PRPSAP1: variants seen among roughly 807,000 people sequenced by gnomAD.
The protein encoded by PRPSAP1 is phosphoribosyl pyrophosphate synthase-associated protein 1.
Under a neutral mutation model 39.4 loss-of-function variants are expected in PRPSAP1, and 31 were observed. The observed-to-expected ratio is 0.79, with a 90% confidence interval of 0.59 to 1.06. The LOEUF (loss-of-function observed/expected upper bound fraction) is 1.06, where lower values mean the gene tolerates loss of function less well. Among genes scored for constraint, PRPSAP1 ranks in the 50% least tolerant of loss-of-function variants. The probability of loss-of-function intolerance (pLI) is 0.00; values close to 1 mark genes in which losing one functional copy is unlikely to be tolerated. For synonymous variants in PRPSAP1, 212 were observed against 192.6 expected (o/e 1.10, Z -0.83); for missense variants, 430 against 511.6 (o/e 0.84, Z 1.54).
intron 3 of PRPSAP1, 29 bp downstream of exon 3, chr17:76,344,642 A>C (rs1205192515): frequency 5.5e-6 from 8 of 1,458,746 alleles, no homozygotes; most frequent in Non-Finnish European, 3.8e-6. Context: ...GTTTTTACAG[A>C]AAAGAGATAA....
At chr17:76,337,708 C>T (rs911734111) in intron 3 of PRPSAP1, among the ~76,000 whole-genome samples, 1 of 152,184 alleles carries the variant, frequency 6.6e-6, no homozygotes, top group Non-Finnish European at 1.5e-5. Flanking sequence ...CGGGTTCAAT[C>T]GATTCTCCCA....
intron 3 of PRPSAP1, chr17:76,337,447 C>A (rs540553): frequency 2.2e-3 from 79 of 35,492 alleles, no homozygotes; most frequent in South Asian, 6.1e-3. Context: ...ACAACAACAA[C>A]AAACTAACCT....
At position 76,317,995 on chromosome 17, in the gene PRPSAP1, G is replaced by A. The variant is rs1178907325; in HGVS notation, c.782-4104C>T. Among the ~76,000 whole-genome samples the A allele has an allele frequency of 2.0e-5, 3 of 152,152 alleles. No individual in the cohort carries two copies. The South Asian group carries it at 6.2e-4, about 32-fold the overall frequency. ...GCACTACTGACATTTTGGACTGGGT[G>A]ATTATCACACTGCAGGATGCTAAGC... On this transcript the variant is annotated intron_variant, in intron 7 of 9. Transcript: ENST00000446526.
At chr17:76,351,434 G>A (rs2071570038) in intron 1 of PRPSAP1, among the ~76,000 whole-genome samples, 4 of 152,240 alleles carry the variant, frequency 2.6e-5, no homozygotes, top group South Asian at 4.1e-4. Context: ...AGAATGGCGT[G>A]AACCCTGGGG....
At chr17:76,320,010 C>T (rs1336545787) in intron 7 of PRPSAP1, among the ~76,000 whole-genome samples, 1 of 152,006 alleles carries the variant, frequency 6.6e-6, no homozygotes, top group African/African-American at 2.4e-5. Flanking sequence ...TGGCTCACAT[C>T]TGTAATCCCA....
At chr17:76,346,404 C>G (rs928130772) in intron 2 of PRPSAP1, among the ~76,000 whole-genome samples, 1 of 152,164 alleles carries the variant, frequency 6.6e-6, no homozygotes, top group Non-Finnish European at 1.5e-5. Context: ...AAGCCTTGTG[C>G]TCTGAAAAGA....
chr17:76,329,024 G>T (rs1359999446), intron 6 of PRPSAP1, 162 bp from the exon 7 acceptor site: 4 of 809,944 alleles, frequency 4.9e-6, no homozygotes, highest in Non-Finnish European at 7.3e-6. Context: ...GCATGTAAAT[G>T]ACTCAAAGGG....
At chr17:76,335,973 C>A (rs1054633623) in intron 3 of PRPSAP1, among the ~76,000 whole-genome samples, 43 of 151,704 alleles carry the variant, frequency 2.8e-4, no homozygotes, top group Middle Eastern at 6.8e-3. Context: ...CAGAGTGAGA[C>A]CCCATCTCTC....
rs2071446683 is a variant in PRPSAP1, at chr17:76,342,158, T to G, written c.290+2513A>C. 2.0e-5 allele frequency among the ~76,000 whole-genome samples: 3 copies of G among 151,926 alleles called. No homozygotes were observed. In the South Asian group the frequency reaches 6.2e-4, roughly 32 times the overall value. ...AGATACACCTGAAACACCGACAATA[T>G]GATGTATATACGATGAGGCTCACAG... On this transcript the variant is annotated intron_variant, in intron 3 of 9. Coordinates refer to ENST00000446526, the MANE Select transcript of PRPSAP1 (RefSeq NM_002766.3).
chr17:76,345,810 C>T (rs1004141688), intron 2 of PRPSAP1: 6 of 349,416 alleles, frequency 1.7e-5, no homozygotes, highest in Non-Finnish European at 5.5e-6. Context: ...GCTCCCAGTG[C>T]CTACGTCCGG....
intron 3 of PRPSAP1, among the ~76,000 whole-genome samples, chr17:76,337,822 G>A (rs924535097): frequency 6.6e-6 from 1 of 151,936 alleles, no homozygotes; most frequent in African/African-American, 2.4e-5. Context: ...GGCTAGTCTG[G>A]TCTCAAACTC....
In PRPSAP1 at chr17:76,311,495, T is replaced by C. The variant is rs2071069578; in HGVS notation, c.*47A>G. 7 of 1,581,986 alleles carry C rather than the reference T, an allele frequency of 4.4e-6. No homozygotes were observed. The highest frequency in any genetic ancestry group is 1.4e-5 in the African/African-American group (1 of 73,834). ...CACTGTATCACTCATGGCACTGCTT[T>C]TTCCATGTTTCCCTCAGGAGGTCCA... On this transcript the variant is annotated 3_prime_UTR_variant, in exon 10 of 10. Coordinates refer to ENST00000446526, the MANE Select transcript of PRPSAP1 (RefSeq NM_002766.3).
Position 76,312,868 on chromosome 17 carries a change from A to T in PRPSAP1, c.999+2T>A. 6.2e-7 allele frequency: 1 copy of T among 1,604,738 alleles called. No individual in the cohort carries two copies. The highest frequency in any genetic ancestry group is 2.2e-5 in the East Asian group (1 of 44,802). ...TGGCTCAAGATTTAGAAGCAGCCTG[A>T]CCTCGTCTACGGAGGACTCCTCAAT... On this transcript the variant is annotated splice_donor_variant, in intron 9 of 9. Coordinates refer to ENST00000446526, the MANE Select transcript of PRPSAP1 (RefSeq NM_002766.3). LOFTEE classifies it high-confidence loss of function.
At chr17:76,331,544 T>C (rs552463840) in intron 4 of PRPSAP1, among the ~76,000 whole-genome samples, 10 of 152,348 alleles carry the variant, frequency 6.6e-5, no homozygotes, top group African/African-American at 1.9e-4. Flanking sequence ...ATAAATAATC[T>C]ACAGATGACT....
chr17:76,352,376 T>C (rs367995589), intron 1 of PRPSAP1, among the ~76,000 whole-genome samples: 3 of 152,056 alleles, frequency 2.0e-5, no homozygotes, highest in East Asian at 1.9e-4. Flanking sequence ...CCGGGCGCGG[T>C]GGCTGAAGCC....
chr17:76,321,789 G>A (rs949356392), intron 7 of PRPSAP1, among the ~76,000 whole-genome samples: 1 of 152,118 alleles, frequency 6.6e-6, no homozygotes, highest in Non-Finnish European at 1.5e-5. Flanking sequence ...AAACAGCCAG[G>A]CTGTGAATGC....
At chr17:76,322,931 C>G (rs1046054701) in intron 7 of PRPSAP1, among the ~76,000 whole-genome samples, 5 of 152,030 alleles carry the variant, frequency 3.3e-5, no homozygotes, top group Admixed American at 3.3e-4. Context: ...GTGGTAGAGG[C>G]TGCAGTGAGC....
At chr17:76,341,896 G>T (rs145580125) in intron 3 of PRPSAP1, among the ~76,000 whole-genome samples, 2 of 152,116 alleles carry the variant, frequency 1.3e-5, no homozygotes, top group South Asian at 4.1e-4. Context: ...CCAAGATTGC[G>T]CCACTGCACC....
In PRPSAP1 at chr17:76,311,104, G is replaced by A. The variant is rs1428996018; in HGVS notation, c.*438C>T. ...AAATACGATTCTCTATAAAAGACTT[G>A]AAGTTGATTTGGGAGAGGCCAACTG... On this transcript the variant is annotated 3_prime_UTR_variant, in exon 10 of 10. Transcript: ENST00000446526. The A allele has an allele frequency of 6.5e-6, 1 of 153,208 alleles. No individual in the cohort carries two copies. The highest frequency in any genetic ancestry group is 1.9e-4 in the East Asian group (1 of 5,236). 9.5% of individuals were successfully genotyped at this position (153,208 alleles called of 1,614,324 possible). A position where few individuals can be genotyped will look rare whatever the true frequency, so the allele number is the denominator to read the frequency against.
Sources: allele counts gnomAD v4.1 joint callset (sites outside exome capture counted in the v4.1 genomes callset), GRCh38; gene constraint gnomAD v4.1.1; transcripts MANE v1.5; gene names NCBI Gene and HGNC (gene_info 2026-07-23, HGNC 2026-07-21).